The following ANP32E variants were observed in gnomAD, a reference collection of about 807,000 sequenced individuals.
The protein encoded by ANP32E is acidic leucine-rich nuclear phosphoprotein 32 family member E.
ANP32E carries 14 observed loss-of-function variants against 35.3 expected under a neutral mutation model. The observed-to-expected ratio is 0.40, with a 90% confidence interval of 0.26 to 0.62. The LOEUF (loss-of-function observed/expected upper bound fraction) is 0.62, where lower values mean the gene tolerates loss of function less well. ANP32E is among the 20% of genes least tolerant of loss of function. ANP32E has a pLI of 0.45. For synonymous variants in ANP32E, 89 were observed against 110.4 expected (o/e 0.81, Z 1.22); for missense variants, 198 against 304.4 (o/e 0.65, Z 2.60).
chr1:150,224,247 T>A (rs966101532), intron 5 of ANP32E, among the ~76,000 whole-genome samples: 3 of 152,038 alleles, frequency 2.0e-5, no homozygotes, highest in African/African-American at 7.3e-5. Flanking sequence ...GAAGACTGAA[T>A]GTGGCTTTTG....
At position 150,235,931 on chromosome 1, in the gene ANP32E, G is replaced by T; in HGVS notation, c.-145C>A. Reference sequence around the variant, plus strand: ...CCCACTACCACCACCAGATAGGTGTGGGGGAGAAAGAAGAGAATAGCAAAT... The same window carrying T: ...CCCACTACCACCACCAGATAGGTGTTGGGGAGAAAGAAGAGAATAGCAAAT... On this transcript the variant is annotated 5_prime_UTR_variant, in exon 1 of 7. Transcript: ENST00000583931. This position sits in a 1 kb window ranked among gnomAD's most constrained non-coding sequence, Gnocchi z 4.2. The T allele has an allele frequency of 1.6e-6, 1 of 631,722 alleles. No individual in the cohort carries two copies. Among genetic ancestry groups the T allele is most frequent in the Non-Finnish European group, 2.8e-6 (1 of 355,624 alleles). The allele number at this position is 631,722 out of a possible 1,614,324, so 39.1% of individuals were successfully genotyped here.
intron 1 of ANP32E, among the ~76,000 whole-genome samples, chr1:150,232,338 C>T (rs1450541362): frequency 6.2e-5 from 1 of 16,128 alleles, no homozygotes; most frequent in Non-Finnish European, 1.0e-4. Context: ...AGGGAGACTC[C>T]GTCTCAAAAA....
intron 1 of ANP32E, among the ~76,000 whole-genome samples, chr1:150,232,858 T>A (rs1208011652): frequency 6.6e-6 from 1 of 152,168 alleles, no homozygotes; most frequent in Non-Finnish European, 1.5e-5. Context: ...GAAGTTCCCA[T>A]GTGAAACCTG....
At chr1:150,233,643 G>A (rs1649550533) in intron 1 of ANP32E, among the ~76,000 whole-genome samples, 1 of 152,266 alleles carries the variant, frequency 6.6e-6, no homozygotes, top group South Asian at 2.1e-4. Context: ...TTAAGGGAAA[G>A]GTTGAAGATC....
chr1:150,225,665 T>TCAAAAAAAAAAAAAAAAA lies in ANP32E; in HGVS notation c.681+942_681+943insTTTTTTTTTTTTTTTTTG, dbSNP rs1339242877. On this transcript the variant is annotated intron_variant, in intron 5 of 6. Transcript: ENST00000583931. Reference sequence around the variant, plus strand: ...CAGCCTGGGCAACAGAGTGAGACTGTAACAAAAAAAAAAAAAAAAAAAAAA... The same window carrying TCAAAAAAAAAAAAAAAAA: ...CAGCCTGGGCAACAGAGTGAGACTGTCAAAAAAAAAAAAAAAAAAACAAAAAAAAAAAAAAAAAAAAAA... 4.8e-5 allele frequency among the ~76,000 whole-genome samples: 4 copies of TCAAAAAAAAAAAAAAAAA among 83,536 alleles called. 2 individuals carry two copies. Among genetic ancestry groups the TCAAAAAAAAAAAAAAAAA allele is most frequent in the Non-Finnish European group, 4.2e-5 (2 of 47,680 alleles). 54.8% of individuals were successfully genotyped at this position (83,536 alleles called of 152,430 possible). A position where few individuals can be genotyped will look rare whatever the true frequency, so the allele number is the denominator to read the frequency against.
chr1:150,228,316 A>G (rs2101779634), intron 4 of ANP32E, among the ~76,000 whole-genome samples: 1 of 152,272 alleles, frequency 6.6e-6, no homozygotes. Flanking sequence ...TTCAAGGTTC[A>G]TTCATGTGGC....
chr1:150,220,808 G>C (rs1553837515), intron 6 of ANP32E, 47 bp from the exon 7 acceptor site: 1 of 1,517,246 alleles, frequency 6.6e-7, no homozygotes, highest in Admixed American at 1.7e-5. Flanking sequence ...TTTAACAAAT[G>C]AGGATTGGTT....
intron 4 of ANP32E, among the ~76,000 whole-genome samples, chr1:150,227,677 C>T (rs1648981659): frequency 6.6e-6 from 1 of 151,382 alleles, no homozygotes; most frequent in African/African-American, 2.4e-5. Context: ...GAAGACCAAA[C>T]CTCAGCATCA....
rs181222020 is a variant in ANP32E at position 150,231,421 on chromosome 1, C to T, written c.204+356G>A. On this transcript the variant is annotated intron_variant, in intron 2 of 6. Coordinates refer to ENST00000583931, the MANE Select transcript of ANP32E (RefSeq NM_030920.5). ...ACCAGTCTGGACAACATGGTGAAAC[C>T]CTATCTCTGCAAAAAATACAAAAAT... 6.0e-4 allele frequency among the ~76,000 whole-genome samples: 91 copies of T among 152,068 alleles called. 1 individual carries two copies. The East Asian group carries it at 0.015, about 26-fold the overall frequency.
chr1:150,220,508 A>G lies in ANP32E; in HGVS notation c.*183T>C. The G allele has an allele frequency of 1.7e-6, 1 of 578,452 alleles. No homozygotes were observed. Among genetic ancestry groups the G allele is most frequent in the Non-Finnish European group, 3.1e-6 (1 of 326,186 alleles). 35.8% of individuals were successfully genotyped at this position (578,452 alleles called of 1,614,324 possible). On this transcript the variant is annotated 3_prime_UTR_variant, in exon 7 of 7. Transcript: ENST00000583931. ...TCAATGAAAATTTTTCTCTACATAC[A>G]ATATGATCATTAACAGACTAGTTCT...
At chr1:150,234,612 T>C in intron 1 of ANP32E, 3 of 985,580 alleles carry the variant, frequency 3.0e-6, no homozygotes, top group Non-Finnish European at 3.6e-6. Context: ...GCAAGACTGA[T>C]GCTTTCCTCT....
chr1:150,236,014 G>GCGCGCGCACACACA lies in ANP32E; in HGVS notation c.-242_-229dup. 3.6e-6 allele frequency: 2 copies of GCGCGCGCACACACA among 556,728 alleles called. No homozygotes were observed. Among genetic ancestry groups the GCGCGCGCACACACA allele is most frequent in the Non-Finnish European group, 6.5e-6 (2 of 309,618 alleles). 34.5% of individuals were successfully genotyped at this position (556,728 alleles called of 1,614,324 possible). On this transcript the variant is annotated 5_prime_UTR_variant, in exon 1 of 7. The change abolishes the stop of an existing upstream ORF in the 5' untranslated region. Transcript: ENST00000583931. ...CCCCCACCTCCTTGTCCACACACTA[G>GCGCGCGCACACACA]CGCGCGCACACACACGCACGCACGC...
chr1:150,234,768 T>C, intron 1 of ANP32E: 9 of 747,808 alleles, frequency 1.2e-5, no homozygotes, highest in Non-Finnish European at 1.5e-5. Flanking sequence ...CCTGGGTAGG[T>C]GAGGCCGAGA....
At chr1:150,221,460 TAAGAGAGG>T (rs139006485) in intron 6 of ANP32E, among the ~76,000 whole-genome samples, 5,343 of 111,710 alleles carry the variant, frequency 0.048, 937 homozygotes, top group African/African-American at 0.21. Flanking sequence ...GAGGGCAGGC[TAAGAGAGG>T]AAGAGAGGAA....
At chr1:150,226,543 T>TTA in intron 5 of ANP32E, 65 bp downstream of exon 5, 1 of 1,565,780 alleles carries the variant, frequency 6.4e-7, no homozygotes, top group Non-Finnish European at 8.6e-7. Context: ...AAAACACACT[T>TTA]TATATAGTAC....
At chr1:150,231,692 G>A in intron 2 of ANP32E, 85 bp downstream of exon 2, 1 of 1,229,364 alleles carries the variant, frequency 8.1e-7, no homozygotes, top group Non-Finnish European at 1.0e-6. Flanking sequence ...TAATTAACAA[G>A]CAGAATGGTC....
chr1:150,225,665 T>TAAAA (rs1553839622), intron 5 of ANP32E, among the ~76,000 whole-genome samples: 1 of 83,548 alleles, frequency 1.2e-5, no homozygotes, highest in African/African-American at 5.5e-5. Context: ...AGTGAGACTG[T>TAAAA]AACAAAAAAA....
chr1:150,232,020 C>T, intron 1 of ANP32E, 94 bp from the exon 2 acceptor site: 1 of 1,255,692 alleles, frequency 8.0e-7, no homozygotes, highest in South Asian at 1.4e-5. Context: ...GTATTAAAAC[C>T]ACCAATCTCC....
At chr1:150,228,372 T>C (rs1553840669) in intron 4 of ANP32E, among the ~76,000 whole-genome samples, 2 of 152,182 alleles carry the variant, frequency 1.3e-5, no homozygotes, top group South Asian at 2.1e-4. Context: ...AATATTGCAC[T>C]GTATAGATAA....
Sources: allele counts gnomAD v4.1 joint callset (sites outside exome capture counted in the v4.1 genomes callset), GRCh38; gene constraint gnomAD v4.1.1; non-coding constraint Gnocchi (gnomAD v3.1); transcripts MANE v1.5; gene names NCBI Gene and HGNC (gene_info 2026-07-23, HGNC 2026-07-21).